Variants in PARD3 observed in about 807,000 individuals in gnomAD.
PARD3 encodes the protein partitioning defective 3 homolog.
In PARD3, 75 loss-of-function variants were observed where a neutral mutation model predicts 155.4. The observed-to-expected ratio is 0.48, with a 90% CI of 0.40 to 0.58. The LOEUF is 0.58. PARD3 is among the 20% of genes least tolerant of loss of function. The pLI, the probability that PARD3 is intolerant of heterozygous loss-of-function variation, is 0.00. For missense variants in PARD3, 1,642 were observed against 1,721.7 expected (o/e 0.95, Z 0.82); for synonymous variants, 576 against 610.5 (o/e 0.94, Z 0.83).
chr10:34,134,846 G>T (rs944084751), intron 22 of PARD3, among the ~76,000 whole-genome samples: 1 of 152,206 alleles, frequency 6.6e-6, no homozygotes, highest in Non-Finnish European at 1.5e-5. Context: ...TTTGAGAGAT[G>T]AAACCATTAC....
intron 24 of PARD3, among the ~76,000 whole-genome samples, chr10:34,114,336 T>A (rs1946552074): frequency 6.6e-6 from 1 of 152,176 alleles, no homozygotes; most frequent in Non-Finnish European, 1.5e-5. Context: ...AAATTGTTTT[T>A]AATTTAATTT....
chr10:34,455,082 G>C (rs2077264185), intron 4 of PARD3, among the ~76,000 whole-genome samples: 1 of 152,136 alleles, frequency 6.6e-6, no homozygotes, highest in Non-Finnish European at 1.5e-5. Context: ...TTCTTGGCAA[G>C]ACTATATCCC....
At chr10:34,480,330 G>A (rs1339646507) in intron 3 of PARD3, among the ~76,000 whole-genome samples, 1 of 152,152 alleles carries the variant, frequency 6.6e-6, no homozygotes, top group Non-Finnish European at 1.5e-5. Context: ...GGAACTCCTG[G>A]GCTTAGTGCT....
intron 16 of PARD3, among the ~76,000 whole-genome samples, chr10:34,337,680 T>G (rs1836340710): frequency 6.6e-6 from 1 of 152,146 alleles, no homozygotes; most frequent in Admixed American, 6.5e-5. Context: ...TCTACTTTCC[T>G]CTCTGTTTCT....
At chr10:34,807,837 A>T (rs1262136741) in intron 1 of PARD3, among the ~76,000 whole-genome samples, 2 of 152,200 alleles carry the variant, frequency 1.3e-5, no homozygotes, top group Non-Finnish European at 2.9e-5. Flanking sequence ...TGCAAGGACC[A>T]ATATGAGTTG....
At chr10:34,760,791 T>C (rs1247661801) in intron 1 of PARD3, among the ~76,000 whole-genome samples, 2 of 152,150 alleles carry the variant, frequency 1.3e-5, no homozygotes, top group African/African-American at 4.8e-5. Flanking sequence ...ACCACCTGAA[T>C]AAGCTTGGAA....
chr10:34,539,703 T>C (rs540754054), intron 2 of PARD3, among the ~76,000 whole-genome samples: 1 of 152,202 alleles, frequency 6.6e-6, no homozygotes, highest in South Asian at 2.1e-4. Context: ...TGCATTTTAC[T>C]ACTCTGTGTG....
intron 1 of PARD3, among the ~76,000 whole-genome samples, chr10:34,747,264 G>C (rs1835437998): frequency 1.3e-5 from 2 of 152,022 alleles, no homozygotes; most frequent in Non-Finnish European, 2.9e-5. Context: ...CGATTCTAAG[G>C]GAGCTGGGGC....
intron 16 of PARD3, among the ~76,000 whole-genome samples, chr10:34,341,376 A>G (rs1041804442): frequency 6.6e-6 from 1 of 152,172 alleles, no homozygotes; most frequent in African/African-American, 2.4e-5. Flanking sequence ...AAAACAAATG[A>G]GCACGGTTTT....
At chr10:34,151,272 A>G (rs1454719896) in intron 22 of PARD3, among the ~76,000 whole-genome samples, 1 of 152,178 alleles carries the variant, frequency 6.6e-6, no homozygotes, top group East Asian at 1.9e-4. Context: ...TCACCAAGAA[A>G]CGTAGTCTGA....
chr10:34,394,142 C>T (rs1843103714), intron 7 of PARD3, among the ~76,000 whole-genome samples: 1 of 151,904 alleles, frequency 6.6e-6, no homozygotes, highest in Admixed American at 6.6e-5. Context: ...GCCTATGCCT[C>T]AGCCTCCAGA....
intron 2 of PARD3, among the ~76,000 whole-genome samples, chr10:34,554,783 A>G (rs2084859226): frequency 1.3e-5 from 2 of 152,228 alleles, no homozygotes; most frequent in African/African-American, 2.4e-5. Flanking sequence ...AAGATGAGGA[A>G]TGGATATATT....
chr10:34,165,957 A>C (rs59448872), intron 22 of PARD3, among the ~76,000 whole-genome samples: 10,873 of 152,210 alleles, frequency 0.071, 1,001 homozygotes, highest in East Asian at 0.3. Context: ...AAAGAGCTAT[A>C]TTTCTCACTA....
At chr10:34,615,914 T>C (rs112432543) in intron 2 of PARD3, among the ~76,000 whole-genome samples, 2,229 of 152,290 alleles carry the variant, frequency 0.015, 55 homozygotes, top group African/African-American at 0.05. Flanking sequence ...CCAGTTAGAA[T>C]AGCTGTTACC....
rs72049773 is a variant in PARD3 at position 34,762,469 on chromosome 10, C to CTTTTTTTT, written c.120+52399_120+52406dup. Among the ~76,000 whole-genome samples the CTTTTTTTT allele has an allele frequency of 7.1e-3, 696 of 98,598 alleles. 10 individuals are homozygous for CTTTTTTTT. Among genetic ancestry groups the CTTTTTTTT allele is most frequent in the East Asian group, 0.021 (64 of 3,050 alleles). The allele number at this position is 98,598 out of a possible 152,430, so 64.7% of individuals were successfully genotyped here. Reference sequence around the variant, plus strand: ...CACAGACACATGCCACCATGCCTGACTTTTTTTTTTTTTTTTTTTTGTAGA... The same window carrying CTTTTTTTT: ...CACAGACACATGCCACCATGCCTGACTTTTTTTTTTTTTTTTTTTTTTTTTTTTGTAGA... On this transcript the variant is annotated intron_variant, in intron 1 of 24. Transcript: ENST00000374788.
chr10:34,698,755 G>A lies in PARD3; in HGVS notation c.121-2336C>T, dbSNP rs370981818. Among the ~76,000 whole-genome samples, 33 of 152,354 alleles carry A rather than the reference G, an allele frequency of 2.2e-4. 1 individual carries two copies. The highest frequency in any genetic ancestry group is 7.9e-4 in the African/African-American group (33 of 41,586). On this transcript the variant is annotated intron_variant, in intron 1 of 24. Coordinates refer to ENST00000374788, the MANE Select transcript of PARD3 (RefSeq NM_001184785.2). ...AAACCACAATCGTATGGAAGATAGAGTCAGGTGTCAAGCGTGAGCCTTTAA... is the reference window on the plus strand; with the variant it reads ...AAACCACAATCGTATGGAAGATAGAATCAGGTGTCAAGCGTGAGCCTTTAA...
intron 1 of PARD3, among the ~76,000 whole-genome samples, chr10:34,721,256 C>A (rs1564545305): frequency 6.6e-6 from 1 of 152,226 alleles, no homozygotes; most frequent in Non-Finnish European, 1.5e-5. Flanking sequence ...ACTGAAGAGA[C>A]TGCATTCTAA....
In PARD3 at chr10:34,759,925, T is replaced by A. The variant is rs576716026; in HGVS notation, c.120+54951A>T. 1.4e-4 allele frequency among the ~76,000 whole-genome samples: 22 copies of A among 152,338 alleles called. No homozygotes were observed. In the South Asian group the frequency reaches 3.3e-3, roughly 23 times the overall value. On this transcript the variant is annotated intron_variant, in intron 1 of 24. Coordinates refer to ENST00000374788, the MANE Select transcript of PARD3 (RefSeq NM_001184785.2). ...GTCTACTTTATTAGCTGAGAACACT[T>A]ATGAATCTAAAAATACTTCGTTTTG...
chr10:34,319,711 C>A (rs891260695), intron 19 of PARD3, among the ~76,000 whole-genome samples: 1 of 152,140 alleles, frequency 6.6e-6, no homozygotes, highest in Non-Finnish European at 1.5e-5. Context: ...GAGAGCTCCC[C>A]CAAAGAATGT....
Sources: gnomAD v4.1 joint callset for allele counts (sites outside exome capture counted in the v4.1 genomes callset) on GRCh38, gnomAD v4.1.1 for gene constraint, MANE v1.5 for transcripts, NCBI Gene and HGNC (gene_info 2026-07-23, HGNC 2026-07-21) for gene names.